TBCD: variants seen among roughly 807,000 people sequenced by gnomAD.
TBCD encodes the protein tubulin-specific chaperone D.
A neutral mutation model predicts 169.3 loss-of-function variants in TBCD; 105 were observed. The observed-to-expected ratio is 0.62, with a 90% CI of 0.53 to 0.73. The LOEUF (loss-of-function observed/expected upper bound fraction) is 0.73, where lower values mean the gene tolerates loss of function less well. Ranked by LOEUF, TBCD falls within the 30% of genes least tolerant of loss-of-function variation. TBCD has a pLI of 0.00. For synonymous variants in TBCD, 700 were observed against 643.9 expected (o/e 1.09, Z -1.32); for missense variants, 1,444 against 1,600.1 (o/e 0.90, Z 1.66).
chr17:82,795,422 G>A (rs1378751866), intron 7 of TBCD: 3 of 467,066 alleles, frequency 6.4e-6, no homozygotes, highest in African/African-American at 4.2e-5. Context: ...GCCCACAGCT[G>A]CACAGCTGCT....
Position 82,884,086 on chromosome 17 carries a change from G to A in TBCD, c.1476-59G>A. On this transcript the variant is annotated intron_variant, in intron 14 of 38. Transcript: ENST00000355528. The surrounding 1 kb of genome is among the most constrained non-coding windows in gnomAD (Gnocchi z 4.2). ...AGAGAAAGGCTTTCTCATCGATACT[G>A]TGTGGTCTGTACTGTTTTGCAGAAT... 1 of 1,489,578 alleles carries A rather than the reference G, an allele frequency of 6.7e-7. No homozygotes were observed. The highest frequency in any genetic ancestry group is 9.2e-7 in the Non-Finnish European group (1 of 1,088,466). 92.3% of individuals were successfully genotyped at this position (1,489,578 alleles called of 1,614,324 possible).
chr17:82,943,728 ACTG>A lies in TBCD; in HGVS notation c.*1266_*1268del, dbSNP rs2063487827. 1 of 152,204 alleles carries A rather than the reference ACTG, an allele frequency of 6.6e-6. No individual in the cohort carries two copies. Among genetic ancestry groups the A allele is most frequent in the African/African-American group, 2.4e-5 (1 of 41,424 alleles). The allele number at this position is 152,204 out of a possible 1,614,324, so 9.4% of individuals were successfully genotyped here. ...CACAGGAGTGTGGGGTTAACACACT[ACTG>A]TTGTTGTGTTTGACCTGGTGGCCAA... On this transcript the variant is annotated 3_prime_UTR_variant, in exon 39 of 39. Coordinates refer to ENST00000355528, the MANE Select transcript of TBCD (RefSeq NM_005993.5).
rs1278550699 is a variant in TBCD, at chr17:82,915,037, C to G, written c.2038+3248C>G. On this transcript the variant is annotated intron_variant, in intron 23 of 38. Coordinates refer to ENST00000355528, the MANE Select transcript of TBCD (RefSeq NM_005993.5). The surrounding 1 kb of genome is among the most constrained non-coding windows in gnomAD (Gnocchi z 4.3). ...GAGTTCTGTATGTACGCAGCTGTTT[C>G]CTGATATCCTTAGTTTTAGATGTGT... 1.3e-5 allele frequency among the ~76,000 whole-genome samples: 2 copies of G among 152,166 alleles called. No homozygotes were observed. Among genetic ancestry groups the G allele is most frequent in the Non-Finnish European group, 2.9e-5 (2 of 68,042 alleles).
intron 20 of TBCD, among the ~76,000 whole-genome samples, chr17:82,906,608 C>G (rs989439765): frequency 2.0e-5 from 3 of 152,204 alleles, no homozygotes; most frequent in East Asian, 1.9e-4. Context: ...TCTTCCCAGT[C>G]GAGTCTTCCT....
rs2048981749 is a variant in TBCD at position 82,782,066 on chromosome 17, A to G, written c.771+345A>G. Reference sequence around the variant, plus strand: ...GAGACTGAACGAGCTCTAATAAAACAAGGTGGGTGAGTTGAAATTTGATTC... The same window carrying G: ...GAGACTGAACGAGCTCTAATAAAACGAGGTGGGTGAGTTGAAATTTGATTC... On this transcript the variant is annotated intron_variant, in intron 7 of 38. Transcript: ENST00000355528. This position sits in a 1 kb window ranked among gnomAD's most constrained non-coding sequence, Gnocchi z 5.1. Among the ~76,000 whole-genome samples, 1 of 152,188 alleles carries G rather than the reference A, an allele frequency of 6.6e-6. No individual in the cohort carries two copies. The highest frequency in any genetic ancestry group is 2.1e-4 in the South Asian group (1 of 4,834).
chr17:82,872,213 T>A (rs1188773345), intron 14 of TBCD, among the ~76,000 whole-genome samples: 2 of 152,174 alleles, frequency 1.3e-5, no homozygotes, highest in African/African-American at 2.4e-5. Flanking sequence ...AACACGCACG[T>A]CCCTCTTGTC....
rs2057053478 is a variant in TBCD at position 82,864,906 on chromosome 17, G to A, written c.1319-5318G>A. ...CTGCTCACTCCCTGGGGCACCGTGG[G>A]GACAGCGGGGGCCTGCTTGTGTTGG... is the stretch of plus-strand genomic sequence containing the variant. On this transcript the variant is annotated intron_variant, in intron 13 of 38. Coordinates refer to ENST00000355528, the MANE Select transcript of TBCD (RefSeq NM_005993.5). The surrounding 1 kb of genome is among the most constrained non-coding windows in gnomAD (Gnocchi z 6.3). Among the ~76,000 whole-genome samples, 1 of 61,742 alleles carries A rather than the reference G, an allele frequency of 1.6e-5. No individual in the cohort carries two copies. Among genetic ancestry groups the A allele is most frequent in the Non-Finnish European group, 3.7e-5 (1 of 27,062 alleles). 40.5% of individuals were successfully genotyped at this position (61,742 alleles called of 152,430 possible).
chr17:82,793,288 G>A (rs914761349), intron 7 of TBCD, among the ~76,000 whole-genome samples: 1 of 152,118 alleles, frequency 6.6e-6, no homozygotes, highest in Non-Finnish European at 1.5e-5. Flanking sequence ...GGGAGGCAGT[G>A]GTCTGGCCTG....
chr17:82,900,509 C>T, intron 17 of TBCD, 142 bp from the exon 18 acceptor site: 1 of 665,752 alleles, frequency 1.5e-6, no homozygotes, highest in Non-Finnish European at 2.7e-6. Flanking sequence ...GGTAACTGCT[C>T]AGGAGGGAAT....
chr17:82,780,206 G>A (rs961249206), intron 6 of TBCD, among the ~76,000 whole-genome samples: 9 of 152,210 alleles, frequency 5.9e-5, no homozygotes, highest in African/African-American at 2.2e-4. Flanking sequence ...CTGGGCAGCA[G>A]CACTTTCCTC....
In TBCD at chr17:82,830,615, C is replaced by T. The variant is rs766578118; in HGVS notation, c.1318+15681C>T. On this transcript the variant is annotated intron_variant, in intron 13 of 38. Coordinates refer to ENST00000355528, the MANE Select transcript of TBCD (RefSeq NM_005993.5). ...GCAGCTCGTGGTCGACCGGGGAAGG[C>T]AGGCCTCGGAGCCTGGGTGTTACAG... The T allele has an allele frequency of 3.4e-5, 55 of 1,613,922 alleles. No individual in the cohort carries two copies. Among genetic ancestry groups the T allele is most frequent in the Non-Finnish European group, 4.3e-5 (51 of 1,179,980 alleles).
intron 13 of TBCD, among the ~76,000 whole-genome samples, chr17:82,852,797 C>G (rs904560426): frequency 3.3e-5 from 5 of 152,152 alleles, no homozygotes; most frequent in African/African-American, 1.2e-4. Context: ...GGGTTGTTTC[C>G]CACTGTAGGC....
At chr17:82,792,139 C>G (rs1420144018) in intron 7 of TBCD, among the ~76,000 whole-genome samples, 1 of 152,172 alleles carries the variant, frequency 6.6e-6, no homozygotes. Flanking sequence ...GAAACCCCAT[C>G]TCTACTAAAA....
chr17:82,887,168 T>TGTGCGCGC, intron 15 of TBCD, among the ~76,000 whole-genome samples: 3 of 126,196 alleles, frequency 2.4e-5, no homozygotes, highest in South Asian at 5.9e-4. Context: ...TGTGTGTGTG[T>TGTGCGCGC]GCGCGCGCGC....
intron 13 of TBCD, among the ~76,000 whole-genome samples, chr17:82,843,710 T>A (rs77633042): frequency 6.6e-6 from 1 of 152,160 alleles, no homozygotes; most frequent in Non-Finnish European, 1.5e-5. Context: ...TTCAGGCATA[T>A]TCTTATTAGT....
chr17:82,796,380 A>ATCC (rs2050109384), intron 7 of TBCD, among the ~76,000 whole-genome samples: 1 of 152,270 alleles, frequency 6.6e-6, no homozygotes, highest in African/African-American at 2.4e-5. Context: ...GATGGGGAAG[A>ATCC]GTTCTTAAAG....
intron 2 of TBCD, among the ~76,000 whole-genome samples, chr17:82,758,215 C>G (rs2047510618): frequency 6.6e-6 from 1 of 151,168 alleles, no homozygotes; most frequent in Non-Finnish European, 1.5e-5. Context: ...ATAGTGAAAC[C>G]CCGTATCTAC....
Position 82,903,314 on chromosome 17 carries a change from G to A in TBCD, c.1731-91G>A, listed in dbSNP as rs1047148490. Reference sequence around the variant, plus strand: ...CTGCTAAGTGGCCGGTTGAGGACTCGTGTGTTGTCTCCCTCACTTTCTTTT... The same window carrying A: ...CTGCTAAGTGGCCGGTTGAGGACTCATGTGTTGTCTCCCTCACTTTCTTTT... On this transcript the variant is annotated intron_variant, in intron 18 of 38. Transcript: ENST00000355528. The surrounding 1 kb of genome is among the most constrained non-coding windows in gnomAD (Gnocchi z 4.8). 2.0e-4 allele frequency: 251 copies of A among 1,254,560 alleles called. 1 individual carries two copies. In the African/African-American group the frequency reaches 3.3e-3, roughly 17 times the overall value. 77.7% of individuals were successfully genotyped at this position (1,254,560 alleles called of 1,614,324 possible). A position where few individuals can be genotyped will look rare whatever the true frequency, so the allele number is the denominator to read the frequency against.
At chr17:82,907,887 C>T (rs2060358911) in intron 21 of TBCD, 66 bp downstream of exon 21, 2 of 1,546,064 alleles carry the variant, frequency 1.3e-6, no homozygotes, top group African/African-American at 2.7e-5. Flanking sequence ...TAGGGCCTCC[C>T]ACCCTCCCCA....
Sources: allele counts gnomAD v4.1 joint callset (sites outside exome capture counted in the v4.1 genomes callset), GRCh38; gene constraint gnomAD v4.1.1; non-coding constraint Gnocchi (gnomAD v3.1); transcripts MANE v1.5; gene names NCBI Gene and HGNC (gene_info 2026-07-23, HGNC 2026-07-21).